The following EML4 variants were observed in gnomAD, a reference collection of about 807,000 sequenced individuals.
The protein encoded by EML4 is EMAP like 4, also known as echinoderm microtubule-associated protein-like 4.
In EML4, 72 loss-of-function variants were observed where a neutral mutation model predicts 129.0. That is an observed-to-expected ratio of 0.56 (90% CI 0.46 to 0.68). The LOEUF is 0.68. Ranked by LOEUF, EML4 falls within the 30% of genes least tolerant of loss-of-function variation. The pLI is 0.00. For synonymous variants in EML4, 532 were observed against 405.0 expected (o/e 1.31, Z -3.77); for missense variants, 1,363 against 1,190.6 (o/e 1.14, Z -2.13).
chr2:42,330,908 T>C lies in EML4; in HGVS notation c.*701T>C, dbSNP rs1670069272. The C allele has an allele frequency of 4.9e-6, 1 of 204,156 alleles. No individual in the cohort carries two copies. Among genetic ancestry groups the C allele is most frequent in the Admixed American group, 5.9e-5 (1 of 17,032 alleles). 12.6% of individuals were successfully genotyped at this position (204,156 alleles called of 1,614,324 possible). A position where few individuals can be genotyped will look rare whatever the true frequency, so the allele number is the denominator to read the frequency against. The stretch of plus-strand genomic sequence containing the variant: ...GTTTTATCCTAGAACTAAGAGAGCA[T>C]TGGTTTGTTAAAGAGCTTTCAATGT... On this transcript the variant is annotated 3_prime_UTR_variant, in exon 23 of 23. Transcript: ENST00000318522.
intron 1 of EML4, among the ~76,000 whole-genome samples, chr2:42,207,170 C>T (rs1672606115): frequency 6.6e-6 from 1 of 152,044 alleles, no homozygotes; most frequent in Non-Finnish European, 1.5e-5. Context: ...TATAACACCT[C>T]CTCTATTTGA....
At chr2:42,309,251 A>G (rs1258748278) in intron 17 of EML4, among the ~76,000 whole-genome samples, 3 of 120,578 alleles carry the variant, frequency 2.5e-5, no homozygotes. Flanking sequence ...ACAAAAAATA[A>G]AAAAAAAAAT....
At chr2:42,254,063 G>GTTAT (rs1228396854) in intron 2 of EML4, among the ~76,000 whole-genome samples, 1 of 152,242 alleles carries the variant, frequency 6.6e-6, no homozygotes, top group African/African-American at 2.4e-5. Context: ...ATATGCCTCA[G>GTTAT]TTATTAAGAA....
At chr2:42,274,832 G>A (rs1666571555) in intron 6 of EML4, among the ~76,000 whole-genome samples, 1 of 152,148 alleles carries the variant, frequency 6.6e-6, no homozygotes, top group Admixed American at 6.6e-5. Context: ...TGAAGGGCAA[G>A]CATTAGGAGG....
intron 17 of EML4, among the ~76,000 whole-genome samples, chr2:42,312,267 C>A (rs1347039151): frequency 6.6e-6 from 1 of 151,734 alleles, no homozygotes; most frequent in Non-Finnish European, 1.5e-5. Flanking sequence ...ATTCTAAGCC[C>A]CCCCCCACCA....
chr2:42,201,939 C>T (rs757448491), intron 1 of EML4, among the ~76,000 whole-genome samples: 6 of 152,140 alleles, frequency 3.9e-5, no homozygotes, highest in South Asian at 2.1e-4. Flanking sequence ...AAAAATTAGC[C>T]GGGTGTGGTG....
At chr2:42,255,913 A>G (rs1038463877) in intron 2 of EML4, among the ~76,000 whole-genome samples, 2 of 152,324 alleles carry the variant, frequency 1.3e-5, no homozygotes, top group East Asian at 1.9e-4. Context: ...AATGTTCTCT[A>G]TTCCCAAATC....
At chr2:42,219,608 C>T (rs1444679947) in intron 1 of EML4, among the ~76,000 whole-genome samples, 1 of 151,960 alleles carries the variant, frequency 6.6e-6, no homozygotes, top group East Asian at 1.9e-4. Context: ...GGTTTTGGTG[C>T]AGGACAATGC....
At chr2:42,276,484 C>G (rs552851801) in intron 6 of EML4, among the ~76,000 whole-genome samples, 1 of 152,162 alleles carries the variant, frequency 6.6e-6, no homozygotes, top group Non-Finnish European at 1.5e-5. Flanking sequence ...ATAATAGACT[C>G]AGCAGAATTC....
At position 42,245,581 on chromosome 2, in the gene EML4, A is replaced by G. The variant is rs772077856; in HGVS notation, c.102A>G (p.Gln34=). The G allele has an allele frequency of 1.2e-6, 2 of 1,613,960 alleles. No individual in the cohort carries two copies. The highest frequency in any genetic ancestry group is 2.2e-5 in the South Asian group (2 of 91,076). Residue 34 remains glutamine (Q), a synonymous_variant, in exon 2 of 23, where the codon CAA becomes CAG. Transcript: ENST00000318522. ...CTCTTGAGTCACGAGTTCAGCAACA[A>G]GAAGATGAAATCACTGTGCTAAAGG... ...LSALESRVQQ[Q]EDEITVLKAA... is the part of the protein sequence containing the mutation.
chr2:42,212,752 C>G (rs961198347), intron 1 of EML4, among the ~76,000 whole-genome samples: 4 of 152,112 alleles, frequency 2.6e-5, no homozygotes, highest in Non-Finnish European at 2.9e-5. Context: ...CAGTGTTTCT[C>G]CCAGGGCACC....
intron 1 of EML4, among the ~76,000 whole-genome samples, chr2:42,175,477 GTTTGTA>G (rs1393917231): frequency 6.6e-6 from 1 of 151,540 alleles, no homozygotes; most frequent in Admixed American, 6.6e-5. Flanking sequence ...GGTTGGGAGT[GTTTGTA>G]TCTATATTAT....
rs559141426 is a variant in EML4, at chr2:42,311,231, G to A, written c.1968-4731G>A. 5.3e-5 allele frequency among the ~76,000 whole-genome samples: 8 copies of A among 152,318 alleles called. No individual in the cohort carries two copies. The South Asian group carries it at 1.4e-3, about 28-fold the overall frequency. On this transcript the variant is annotated intron_variant, in intron 17 of 22. Coordinates refer to ENST00000318522, the MANE Select transcript of EML4 (RefSeq NM_019063.5). ...ATAGTTTTCCTAGGAAGATTAAACT[G>A]ACTTTGAAACAGTCTTAAAACAGCA...
At chr2:42,326,701 G>A (rs1388920205) in intron 21 of EML4, among the ~76,000 whole-genome samples, 2 of 152,114 alleles carry the variant, frequency 1.3e-5, no homozygotes, top group African/African-American at 4.8e-5. Flanking sequence ...GGCCAACATG[G>A]TGAAACCCTG....
chr2:42,286,334 T>G lies in EML4; in HGVS notation c.1077T>G (p.Leu359=), dbSNP rs1667306462. ...VTLSTLQIIG[L]GTFERGVGCL... is the part of the protein sequence containing the mutation. The stretch of plus-strand genomic sequence containing the variant: ...TATCCACACTGCAGATTATTGGACT[T>G]GGCACTTTTGAGCGTGGAGTAGGAT... Residue 359 remains leucine (L), a synonymous_variant, in exon 10 of 23, where the codon CTT becomes CTG. Coordinates refer to ENST00000318522, the MANE Select transcript of EML4 (RefSeq NM_019063.5). 1.2e-6 allele frequency: 2 copies of G among 1,614,084 alleles called. No individual in the cohort carries two copies. Among genetic ancestry groups the G allele is most frequent in the African/African-American group, 2.7e-5 (2 of 75,064 alleles).
At chr2:42,208,095 T>C (rs1443851037) in intron 1 of EML4, 1 of 152,180 alleles carries the variant, frequency 6.6e-6, no homozygotes, top group East Asian at 1.9e-4. Context: ...ACAAATTACA[T>C]TTGTTTACTA....
At chr2:42,259,289 G>C (rs762481536) in intron 3 of EML4, among the ~76,000 whole-genome samples, 3 of 151,536 alleles carry the variant, frequency 2.0e-5, no homozygotes, top group South Asian at 2.1e-4. Context: ...AAAAGAAATA[G>C]GCATTTAGTA....
intron 17 of EML4, among the ~76,000 whole-genome samples, chr2:42,311,632 C>T (rs1351932178): frequency 6.6e-6 from 1 of 152,104 alleles, no homozygotes. Context: ...CAGAGCAGTT[C>T]TGTATCTTGT....
At chr2:42,172,428 T>C (rs560016533) in intron 1 of EML4, among the ~76,000 whole-genome samples, 2 of 152,200 alleles carry the variant, frequency 1.3e-5, no homozygotes, top group Non-Finnish European at 2.9e-5. Flanking sequence ...ATAGGAATGA[T>C]AAGTGATTGG....
Sources: allele counts gnomAD v4.1 joint callset (sites outside exome capture counted in the v4.1 genomes callset), GRCh38; gene constraint gnomAD v4.1.1; transcripts MANE v1.5; gene names NCBI Gene and HGNC (gene_info 2026-07-23, HGNC 2026-07-21).